The following PTPRQ variants were observed in gnomAD, a reference collection of about 807,000 sequenced individuals.
PTPRQ encodes phosphatidylinositol phosphatase PTPRQ.
Under a neutral mutation model 246.0 loss-of-function variants are expected in PTPRQ, and 199 were observed. The ratio of observed to expected loss-of-function variants is 0.81; its 90% CI spans 0.72 to 0.91. The LOEUF (loss-of-function observed/expected upper bound fraction) is 0.91. Ranked by LOEUF, PTPRQ falls within the 40% of genes least tolerant of loss-of-function variation. The pLI, the probability that PTPRQ is intolerant of heterozygous loss-of-function variation, is 0.00. For missense variants in PTPRQ, 2,624 were observed against 2,528.4 expected, an observed-to-expected ratio of 1.04 and a Z score of -0.81; for synonymous variants, 869 against 853.2, an observed-to-expected ratio of 1.02 and a Z score of -0.32.
rs541481499 is a variant in PTPRQ at position 80,474,001 on chromosome 12, C to A, written c.1186+1750C>A. Among the ~76,000 whole-genome samples, 10 of 152,308 alleles carry A rather than the reference C, an allele frequency of 6.6e-5. No individual in the cohort carries two copies. The East Asian group carries it at 1.4e-3, about 21-fold the overall frequency. On this transcript the variant is annotated intron_variant, in intron 8 of 44. Transcript: ENST00000644991. ...CATGGTTCTTATATCCTCATGTCAG[C>A]CTTCATCCATGGAGTTCTCTTGGGA... is the stretch of plus-strand genomic sequence containing the variant.
At position 80,669,383 on chromosome 12, in the gene PTPRQ, T is replaced by C; in HGVS notation, c.6372T>C (p.Thr2124=). The C allele has an allele frequency of 6.5e-7, 1 of 1,550,148 alleles. No individual in the cohort carries two copies. The part of the protein sequence containing the change: ...QYWPEDNKPV[T]VFGDIVITKL... ...GGCCAGAGGACAACAAGCCAGTTAC[T>C]GTCTTTGGAGATATAGTGATTACAA... is the stretch of plus-strand genomic sequence containing the variant. The change falls in exon 41 of 45, where the codon ACT becomes ACC. Residue 2124 remains threonine (T), a synonymous_variant. Transcript: ENST00000644991.
chr12:80,478,088 A>G (rs1358318076), intron 8 of PTPRQ, among the ~76,000 whole-genome samples: 1 of 152,072 alleles, frequency 6.6e-6, no homozygotes. Flanking sequence ...GGCACAGACA[A>G]ACAAAAAGAC....
intron 29 of PTPRQ, 55 bp downstream of exon 29, chr12:80,613,891 T>C: frequency 4.2e-6 from 6 of 1,429,264 alleles, no homozygotes; most frequent in Non-Finnish European, 5.5e-6. Context: ...GTTTATGAAC[T>C]TGGCATTTAA....
intron 32 of PTPRQ, among the ~76,000 whole-genome samples, chr12:80,620,776 A>G (rs947911494): frequency 1.3e-5 from 2 of 151,804 alleles, no homozygotes; most frequent in African/African-American, 4.8e-5. Context: ...CTATCCTTTG[A>G]TTTAACAGTG....
intron 3 of PTPRQ, among the ~76,000 whole-genome samples, chr12:80,450,849 T>G (rs1892738478): frequency 6.6e-6 from 1 of 152,196 alleles, no homozygotes; most frequent in South Asian, 2.1e-4. Flanking sequence ...CTTTTTTGGT[T>G]GTGTCTCTGC....
intron 6 of PTPRQ, among the ~76,000 whole-genome samples, chr12:80,463,597 A>C (rs1280456209): frequency 5.9e-5 from 9 of 152,060 alleles, no homozygotes; most frequent in Non-Finnish European, 1.2e-4. Flanking sequence ...GAAGGAAAAA[A>C]TGTTAAGGGC....
At chr12:80,658,151 A>T (rs1314572548) in intron 39 of PTPRQ, 90 bp downstream of exon 39, 3 of 785,380 alleles carry the variant, frequency 3.8e-6, no homozygotes, top group South Asian at 4.1e-5. Context: ...CAACAAATTT[A>T]TTACAACTCC....
chr12:80,583,932 A>G (rs1379025396), intron 25 of PTPRQ: 1 of 152,160 alleles, frequency 6.6e-6, no homozygotes, highest in African/African-American at 2.4e-5. Context: ...CAGCTCCCAA[A>G]GATGTTCTGT....
intron 29 of PTPRQ, 73 bp from the exon 30 acceptor site, chr12:80,616,127 G>T (rs1380751382): frequency 4.1e-6 from 4 of 964,534 alleles, no homozygotes; most frequent in South Asian, 3.0e-5. Flanking sequence ...ATAGATACAT[G>T]CATATATATA....
At chr12:80,472,274 A>C (rs1208536443) in intron 8 of PTPRQ, 23 bp downstream of exon 8, 1 of 1,549,288 alleles carries the variant, frequency 6.5e-7, no homozygotes, top group Non-Finnish European at 8.7e-7. Flanking sequence ...GGAATGAGTG[A>C]GATATTTTTG....
At chr12:80,553,757 G>A (rs562508174) in intron 25 of PTPRQ, among the ~76,000 whole-genome samples, 1 of 152,126 alleles carries the variant, frequency 6.6e-6, no homozygotes, top group East Asian at 1.9e-4. Flanking sequence ...CCCAAGCTTG[G>A]TTCTACATTT....
chr12:80,651,082 C>G (rs1177424395), intron 37 of PTPRQ, among the ~76,000 whole-genome samples: 1 of 152,066 alleles, frequency 6.6e-6, no homozygotes, highest in Non-Finnish European at 1.5e-5. Context: ...ACAATCAGCA[C>G]TTACCAGCTA....
intron 6 of PTPRQ, among the ~76,000 whole-genome samples, chr12:80,466,805 T>C (rs532388624): frequency 2.0e-5 from 3 of 152,288 alleles, no homozygotes; most frequent in African/African-American, 7.2e-5. Flanking sequence ...GCTAGCCATA[T>C]GTAGAAAGCT....
At chr12:80,588,567 T>C (rs1897693223) in intron 26 of PTPRQ, 115 bp downstream of exon 26, 1 of 1,131,440 alleles carries the variant, frequency 8.8e-7, no homozygotes. Context: ...TAGAAATAAC[T>C]GAGGACACTA....
intron 39 of PTPRQ, among the ~76,000 whole-genome samples, chr12:80,663,878 A>T (rs951658016): frequency 2.0e-5 from 3 of 151,814 alleles, no homozygotes; most frequent in African/African-American, 4.8e-5. Context: ...TAATTCTTCA[A>T]CCCTGCTCTG....
chr12:80,450,329 A>T (rs1312085486), intron 3 of PTPRQ, among the ~76,000 whole-genome samples: 1 of 152,138 alleles, frequency 6.6e-6, no homozygotes, highest in East Asian at 1.9e-4. Context: ...TCAAACAGGG[A>T]CAATTTGACT....
intron 17 of PTPRQ, among the ~76,000 whole-genome samples, chr12:80,514,160 T>C (rs1895207738): frequency 6.6e-6 from 1 of 152,114 alleles, no homozygotes; most frequent in East Asian, 1.9e-4. Context: ...TCACTCTTTT[T>C]TCGTAGTGCA....
Position 80,445,652 on chromosome 12 carries a change from T to C in PTPRQ, c.325T>C (p.Ser109Pro). The C allele has an allele frequency of 6.5e-7, 1 of 1,550,104 alleles. No homozygotes were observed. Among genetic ancestry groups the C allele is most frequent in the Admixed American group, 2.0e-5 (1 of 50,908 alleles). Reference sequence around the variant, plus strand: ...GCAAACAGTATATACACAAGTCAGATCAAAGCCAGACAGTCTGGAAGTTCT... The same window carrying C: ...GCAAACAGTATATACACAAGTCAGACCAAAGCCAGACAGTCTGGAAGTTCT... ...WMQTVYTQVR[S>P]KPDSLEVLLT... Residue 109 changes from serine to proline, a missense_variant, in exon 3 of 45, where the codon TCA becomes CCA. Physicochemically the swap from Ser to Pro is moderately conservative, Grantham distance 74 (BLOSUM62 -1). Coordinates refer to ENST00000644991, the MANE Select transcript of PTPRQ (RefSeq NM_001145026.2).
chr12:80,544,342 A>G (rs917995560), intron 23 of PTPRQ, among the ~76,000 whole-genome samples: 3 of 152,224 alleles, frequency 2.0e-5, no homozygotes, highest in Non-Finnish European at 2.9e-5. Flanking sequence ...GAACAAAAAA[A>G]CTGTCCAACA....
Sources: gnomAD v4.1 joint callset for allele counts (sites outside exome capture counted in the v4.1 genomes callset) on GRCh38, gnomAD v4.1.1 for gene constraint, MANE v1.5 for transcripts, NCBI Gene and HGNC (gene_info 2026-07-23, HGNC 2026-07-21) for gene names.